CASR: variants seen among roughly 807,000 people sequenced by gnomAD.
The protein encoded by CASR is calcium sensing receptor, also known as extracellular calcium-sensing receptor.
CASR carries 23 observed loss-of-function variants against 69.1 expected under a neutral mutation model. The observed-to-expected ratio is 0.33, with a 90% CI of 0.24 to 0.47. CASR has a LOEUF of 0.47. CASR is among the 20% of genes least tolerant of loss of function. CASR has a pLI of 1.00. For missense variants in CASR, 924 were observed against 1,356.1 expected, an observed-to-expected ratio of 0.68 and a Z score of 5.00; for synonymous variants, 541 against 544.7, an observed-to-expected ratio of 0.99 and a Z score of 0.10.
intron 1 of CASR, among the ~76,000 whole-genome samples, chr3:122,201,922 C>G (rs1306229628): frequency 6.6e-6 from 1 of 151,790 alleles, no homozygotes; most frequent in East Asian, 1.9e-4. Flanking sequence ...AGAGACGCTC[C>G]TCACTTTCCA....
chr3:122,256,567 A>G (rs2074556695), intron 2 of CASR, among the ~76,000 whole-genome samples: 2 of 152,130 alleles, frequency 1.3e-5, no homozygotes, highest in Admixed American at 1.3e-4. Flanking sequence ...AGCTCATGTC[A>G]TGATCTTCAC....
chr3:122,254,036 T>C lies in CASR; in HGVS notation c.-154T>C. ...AAGTCTGGATTGAGGAAGGCAGAAA[T>C]GGAGATTCAAACACCACGTCTTCTA... On this transcript the variant is annotated 5_prime_UTR_variant, in exon 2 of 7. An upstream start codon of the reference 5' UTR is lost. Transcript: ENST00000639785. The C allele has an allele frequency of 1.3e-6, 1 of 791,970 alleles. No individual in the cohort carries two copies. Among genetic ancestry groups the C allele is most frequent in the African/African-American group, 1.7e-5 (1 of 59,122 alleles). The allele number at this position is 791,970 out of a possible 1,614,324, so 49.1% of individuals were successfully genotyped here.
At chr3:122,268,263 A>G (rs2074716175) in intron 4 of CASR, among the ~76,000 whole-genome samples, 1 of 152,214 alleles carries the variant, frequency 6.6e-6, no homozygotes, top group Non-Finnish European at 1.5e-5. Context: ...ATGTGCAGTA[A>G]ATATTAGTCT....
At chr3:122,250,362 T>C (rs909043504) in intron 1 of CASR, among the ~76,000 whole-genome samples, 1 of 152,174 alleles carries the variant, frequency 6.6e-6, no homozygotes, top group African/African-American at 2.4e-5. Flanking sequence ...TATTCCTTAT[T>C]GCCATTAATT....
rs568934388 is a variant in CASR at position 122,283,674 on chromosome 3, G to C, written c.1733-13G>C. On this transcript the variant is annotated splice_polypyrimidine_tract_variant and intron_variant, in intron 6 of 6. Coordinates refer to ENST00000639785, the MANE Select transcript of CASR (RefSeq NM_000388.4). ...CCACACAATAACTCACTCTTCACTG[G>C]GACATTTTACAGATGCCAGTGCCTG... 1.6e-5 allele frequency: 25 copies of C among 1,611,772 alleles called. No homozygotes were observed. The highest frequency in any genetic ancestry group is 2.0e-5 in the Non-Finnish European group (24 of 1,178,032).
intron 6 of CASR, among the ~76,000 whole-genome samples, chr3:122,283,083 A>G (rs1312947672): frequency 2.0e-5 from 3 of 152,230 alleles, no homozygotes; most frequent in African/African-American, 7.2e-5. Context: ...AGGAAAGCAC[A>G]GGTCATGTGC....
At chr3:122,270,278 A>G (rs533652249) in intron 4 of CASR, among the ~76,000 whole-genome samples, 40 of 152,328 alleles carry the variant, frequency 2.6e-4, no homozygotes, top group African/African-American at 8.2e-4. Context: ...TACTGGCATA[A>G]GTTTATTTAT....
At chr3:122,224,754 A>G (rs2074206324) in intron 1 of CASR, among the ~76,000 whole-genome samples, 1 of 152,226 alleles carries the variant, frequency 6.6e-6, no homozygotes, top group South Asian at 2.1e-4. Flanking sequence ...AAGCAAAAAG[A>G]ACAAAGCTGG....
At chr3:122,252,331 A>G (rs2074491971) in intron 1 of CASR, among the ~76,000 whole-genome samples, 1 of 82,040 alleles carries the variant, frequency 1.2e-5, no homozygotes. Flanking sequence ...AGAAAGAAAG[A>G]GAGAGAAAGA....
intron 1 of CASR, among the ~76,000 whole-genome samples, chr3:122,225,911 A>G (rs1173614757): frequency 6.6e-6 from 1 of 152,244 alleles, no homozygotes; most frequent in Non-Finnish European, 1.5e-5. Context: ...GAACAAAATC[A>G]TATCCTTTGC....
rs1420165580 is a variant in CASR, at chr3:122,288,083, C to T, written c.*2892C>T. On this transcript the variant is annotated 3_prime_UTR_variant, in exon 7 of 7. Transcript: ENST00000639785. ...GGAATTAAGATTGCTAATCAGCTGACCTTGAGATAGGAAGAGCGTCCCAAA... is the reference window on the plus strand; with the variant it reads ...GGAATTAAGATTGCTAATCAGCTGATCTTGAGATAGGAAGAGCGTCCCAAA... 6.6e-6 allele frequency: 1 copy of T among 152,254 alleles called. No individual in the cohort carries two copies. The highest frequency in any genetic ancestry group is 1.5e-5 in the Non-Finnish European group (1 of 68,076). 9.4% of individuals were successfully genotyped at this position (152,254 alleles called of 1,614,324 possible).
chr3:122,201,445 C>T (rs2073950159), intron 1 of CASR, among the ~76,000 whole-genome samples: 1 of 152,240 alleles, frequency 6.6e-6, no homozygotes, highest in African/African-American at 2.4e-5. Context: ...AATCTTTTCC[C>T]CACCTTTCCC....
At chr3:122,206,861 C>A (rs1322201847) in intron 1 of CASR, among the ~76,000 whole-genome samples, 1 of 151,884 alleles carries the variant, frequency 6.6e-6, no homozygotes, top group Non-Finnish European at 1.5e-5. Context: ...TTTGTTGGCA[C>A]AATAGTCATA....
intron 1 of CASR, among the ~76,000 whole-genome samples, chr3:122,244,811 A>ATGG (rs2074411314): frequency 1.3e-5 from 2 of 152,202 alleles, no homozygotes; most frequent in Admixed American, 6.5e-5. Flanking sequence ...AAAAATAGAT[A>ATGG]ATAACAAATA....
At chr3:122,232,338 C>T (rs933927906) in intron 1 of CASR, among the ~76,000 whole-genome samples, 3 of 152,070 alleles carry the variant, frequency 2.0e-5, no homozygotes, top group Non-Finnish European at 2.9e-5. Flanking sequence ...GCAGAGAGCA[C>T]GAGAGTGAGG....
At chr3:122,224,269 A>G (rs913641541) in intron 1 of CASR, among the ~76,000 whole-genome samples, 5 of 152,204 alleles carry the variant, frequency 3.3e-5, no homozygotes, top group South Asian at 2.1e-4. Context: ...TTCACAAACA[A>G]TATGATTCTA....
At chr3:122,250,846 T>C (rs1272176792) in intron 1 of CASR, among the ~76,000 whole-genome samples, 1 of 152,214 alleles carries the variant, frequency 6.6e-6, no homozygotes, top group Non-Finnish European at 1.5e-5. Context: ...CTTTTTTTTT[T>C]CCACTTCTGA....
At chr3:122,256,774 C>T (rs1348593999) in intron 2 of CASR, among the ~76,000 whole-genome samples, 1 of 152,194 alleles carries the variant, frequency 6.6e-6, no homozygotes, top group Non-Finnish European at 1.5e-5. Flanking sequence ...CCTGCCACCA[C>T]ACCTGGCTAA....
At chr3:122,206,580 G>T (rs929135436) in intron 1 of CASR, among the ~76,000 whole-genome samples, 1 of 151,858 alleles carries the variant, frequency 6.6e-6, no homozygotes, top group Non-Finnish European at 1.5e-5. Flanking sequence ...TCAGGATAAC[G>T]CTGACCTCGA....
Sources: gnomAD v4.1 joint callset for allele counts (sites outside exome capture counted in the v4.1 genomes callset) on GRCh38, gnomAD v4.1.1 for gene constraint, MANE v1.5 for transcripts, NCBI Gene and HGNC (gene_info 2026-07-23, HGNC 2026-07-21) for gene names.